The following LINGO2 variants were observed in gnomAD, a reference collection of about 807,000 sequenced individuals.
LINGO2 encodes the protein leucine-rich repeat and immunoglobulin-like domain-containing nogo receptor-interacting protein 2.
In LINGO2, 14 loss-of-function variants were observed where a neutral mutation model predicts 30.6. That is an observed-to-expected ratio of 0.46 (90% CI 0.30 to 0.72). The LOEUF is 0.72. Ranked by LOEUF, LINGO2 falls within the 30% of genes least tolerant of loss-of-function variation. The pLI, the probability that LINGO2 is intolerant of heterozygous loss-of-function variation, is 0.07. For missense variants in LINGO2, 729 were observed against 751.7 expected (o/e 0.97, Z 0.35); for synonymous variants, 317 against 288.5 (o/e 1.10, Z -1.00).
intron 1 of LINGO2, among the ~76,000 whole-genome samples, chr9:28,641,021 T>C (rs1188853881): frequency 1.3e-5 from 2 of 152,130 alleles, no homozygotes; most frequent in Admixed American, 1.3e-4. Context: ...ATGTCCTTCC[T>C]GTTGGTTAGT....
the LINGO2 span, among the ~76,000 whole-genome samples, chr9:28,805,681 G>C: frequency 6.6e-6 from 1 of 152,086 alleles, no homozygotes; most frequent in Admixed American, 6.6e-5. Context: ...TCTGAAACTT[G>C]CTGGAAACTG....
chr9:28,001,593 C>CT (rs1369813382), intron 5 of LINGO2, among the ~76,000 whole-genome samples: 1 of 152,086 alleles, frequency 6.6e-6, no homozygotes, highest in Non-Finnish European at 1.5e-5. Context: ...AAGTCCAGTG[C>CT]TTTTCCTATA....
chr9:28,548,328 C>T (rs928265312), intron 1 of LINGO2, among the ~76,000 whole-genome samples: 1 of 152,038 alleles, frequency 6.6e-6, no homozygotes, highest in African/African-American at 2.4e-5. Context: ...ACTGGCATTT[C>T]CTACTACACA....
At chr9:28,558,399 G>A (rs536718416) in intron 1 of LINGO2, among the ~76,000 whole-genome samples, 10 of 151,976 alleles carry the variant, frequency 6.6e-5, no homozygotes, top group East Asian at 1.9e-4. Context: ...GTGTTTCAGC[G>A]TTTAGTATGC....
chr9:28,930,178 G>GTGCACAAGGGGTAATTCTCA, the LINGO2 span, among the ~76,000 whole-genome samples: 1 of 152,044 alleles, frequency 6.6e-6, no homozygotes, highest in Middle Eastern at 3.2e-3. The surrounding 1 kb of genome is among the most constrained non-coding windows in gnomAD (Gnocchi z 4.2). Context: ...TTTGCCTTGA[G>GTGCACAAGGGGTAATTCTCA]TGCACAAGGG....
the LINGO2 span, among the ~76,000 whole-genome samples, chr9:28,694,952 GTT>G: frequency 1.7e-3 from 221 of 133,344 alleles, no homozygotes; most frequent in Admixed American, 7.3e-3. Context: ...TATCCTGACT[GTT>G]TTTTTTTTTT....
Position 27,954,246 on chromosome 9 carries a change from T to G in LINGO2, c.-35-3540A>C, listed in dbSNP as rs78282793. On this transcript the variant is annotated intron_variant, in intron 5 of 5. Transcript: ENST00000379992. ...AGCCGTTTTGAAATACACAATATAT[T>G]ATTAACTACAGTCACTCTACTGTGG... 2.8e-4 allele frequency among the ~76,000 whole-genome samples: 43 copies of G among 152,268 alleles called. No homozygotes were observed. In the East Asian group the frequency reaches 7.3e-3, roughly 26 times the overall value.
At chr9:29,056,829 ATTTGT>A in the LINGO2 span, among the ~76,000 whole-genome samples, 2 of 152,062 alleles carry the variant, frequency 1.3e-5, no homozygotes, top group Non-Finnish European at 2.9e-5. Context: ...TCCCAGCACC[ATTTGT>A]TGAATAAGGT....
At chr9:28,724,718 GA>G in the LINGO2 span, among the ~76,000 whole-genome samples, 2 of 152,108 alleles carry the variant, frequency 1.3e-5, no homozygotes, top group African/African-American at 2.4e-5. Flanking sequence ...GTTTGGGAGG[GA>G]AAAGCCCACA....
the LINGO2 span, among the ~76,000 whole-genome samples, chr9:28,850,561 T>C: frequency 6.6e-6 from 1 of 151,948 alleles, no homozygotes; most frequent in Non-Finnish European, 1.5e-5. Context: ...CTGGAGAAAG[T>C]AATTTCTAGA....
chr9:28,002,306 T>A (rs887377244), intron 5 of LINGO2, among the ~76,000 whole-genome samples: 2 of 152,080 alleles, frequency 1.3e-5, no homozygotes, highest in Non-Finnish European at 2.9e-5. Context: ...TTGTTTCATA[T>A]GACAAACCCA....
chr9:28,302,541 C>A (rs1458950937), intron 3 of LINGO2, among the ~76,000 whole-genome samples: 2 of 152,200 alleles, frequency 1.3e-5, no homozygotes, highest in Non-Finnish European at 2.9e-5. Context: ...CCTGGTGGCA[C>A]ACACCTGTTG....
intron 5 of LINGO2, among the ~76,000 whole-genome samples, chr9:28,003,704 G>GCC (rs1477696981): frequency 2.6e-5 from 4 of 152,070 alleles, no homozygotes; most frequent in African/African-American, 9.7e-5. Context: ...CTTGTGATCC[G>GCC]CCCGCCTTGG....
At chr9:28,626,826 T>C (rs10968689) in intron 1 of LINGO2, among the ~76,000 whole-genome samples, 1 of 150,506 alleles carries the variant, frequency 6.6e-6, no homozygotes, top group Non-Finnish European at 1.5e-5. Flanking sequence ...AAAAATTCTA[T>C]TGTGTGTGTG....
At chr9:28,420,330 A>G (rs1195044018) in intron 2 of LINGO2, among the ~76,000 whole-genome samples, 9 of 152,138 alleles carry the variant, frequency 5.9e-5, no homozygotes, top group East Asian at 1.9e-4. Flanking sequence ...TTTCTTATTG[A>G]TAATTAGCAA....
intron 3 of LINGO2, among the ~76,000 whole-genome samples, chr9:28,368,564 G>A (rs1820765227): frequency 6.7e-6 from 1 of 149,584 alleles, no homozygotes; most frequent in Non-Finnish European, 1.5e-5. Context: ...TTTCATTAGA[G>A]TGCCTTCTTT....
chr9:28,389,731 T>A (rs1259017747), intron 2 of LINGO2, among the ~76,000 whole-genome samples: 1 of 152,174 alleles, frequency 6.6e-6, no homozygotes, highest in Non-Finnish European at 1.5e-5. Context: ...CATAAATGCA[T>A]CCAGAACTTT....
At chr9:29,092,713 T>G in the LINGO2 span, among the ~76,000 whole-genome samples, 1 of 137,116 alleles carries the variant, frequency 7.3e-6, no homozygotes, top group Admixed American at 7.6e-5. Context: ...TGTTAGCATT[T>G]AAAGTTCAAA....
chr9:28,719,848 T>G, the LINGO2 span, among the ~76,000 whole-genome samples: 2 of 152,156 alleles, frequency 1.3e-5, no homozygotes, highest in South Asian at 2.1e-4. Flanking sequence ...TTCCTCTCAT[T>G]TATCTCTTTC....
Sources: gnomAD v4.1 joint callset for allele counts (sites outside exome capture counted in the v4.1 genomes callset) on GRCh38, gnomAD v4.1.1 for gene constraint, Gnocchi (gnomAD v3.1) non-coding constraint, MANE v1.5 for transcripts, NCBI Gene and HGNC (gene_info 2026-07-23, HGNC 2026-07-21) for gene names.